CLEC16A: variants seen among roughly 807,000 people sequenced by gnomAD.
CLEC16A encodes the protein protein CLEC16A.
CLEC16A carries 51 observed loss-of-function variants against 109.5 expected under a neutral mutation model. That is an observed-to-expected ratio of 0.47 (90% CI 0.37 to 0.59). The LOEUF is 0.59. Ranked by LOEUF, CLEC16A falls within the 20% of genes least tolerant of loss-of-function variation. The probability of loss-of-function intolerance (pLI) is 0.00; values close to 1 mark genes in which losing one functional copy is unlikely to be tolerated. For synonymous variants in CLEC16A, 673 were observed against 564.2 expected (o/e 1.19, Z -2.73); for missense variants, 1,339 against 1,394.0 (o/e 0.96, Z 0.63).
chr16:11,028,886 C>T (rs2046579372), intron 13 of CLEC16A, among the ~76,000 whole-genome samples: 1 of 152,214 alleles, frequency 6.6e-6, no homozygotes, highest in Non-Finnish European at 1.5e-5. Flanking sequence ...GAGGTTCATT[C>T]AGCTTAAAAT....
At chr16:11,092,385 C>CAG (rs1173313838) in intron 19 of CLEC16A, among the ~76,000 whole-genome samples, 1 of 150,746 alleles carries the variant, frequency 6.6e-6, no homozygotes, top group African/African-American at 2.5e-5. Context: ...CACACACACA[C>CAG]ACACACACAC....
chr16:11,065,362 A>G lies in CLEC16A; in HGVS notation c.2116+4340A>G, dbSNP rs374673611. ...GTTCATGTGGGCACCTAACATTCACATAGTTGCAGCCATAGCATGTGCTAC... is the reference window on the plus strand; with the variant it reads ...GTTCATGTGGGCACCTAACATTCACGTAGTTGCAGCCATAGCATGTGCTAC... On this transcript the variant is annotated intron_variant, in intron 19 of 23. Coordinates refer to ENST00000409790, the MANE Select transcript of CLEC16A (RefSeq NM_015226.3). 2.0e-5 allele frequency among the ~76,000 whole-genome samples: 3 copies of G among 152,224 alleles called. No individual in the cohort carries two copies. In the East Asian group the frequency reaches 5.8e-4, roughly 29 times the overall value.
At chr16:10,995,293 A>G (rs890660811) in intron 10 of CLEC16A, among the ~76,000 whole-genome samples, 1 of 152,196 alleles carries the variant, frequency 6.6e-6, no homozygotes, top group Non-Finnish European at 1.5e-5. Context: ...GAAGCAGTGG[A>G]GCCAGGACTG....
intron 19 of CLEC16A, among the ~76,000 whole-genome samples, chr16:11,075,390 G>GTGTGTGTGTGTGTC (rs1567282189): frequency 4.6e-5 from 6 of 129,746 alleles, no homozygotes; most frequent in African/African-American, 1.6e-4. Flanking sequence ...GTGTGTGTGT[G>GTGTGTGTGTGTGTC]TGTGTGTGTG....
chr16:11,084,890 G>A (rs575770605), intron 19 of CLEC16A, among the ~76,000 whole-genome samples: 1 of 152,304 alleles, frequency 6.6e-6, no homozygotes, highest in South Asian at 2.1e-4. Context: ...TTAATATGGT[G>A]CCATCAATTC....
chr16:11,120,204 C>G (rs2052304595), intron 19 of CLEC16A, among the ~76,000 whole-genome samples: 1 of 152,202 alleles, frequency 6.6e-6, no homozygotes, highest in Non-Finnish European at 1.5e-5. Flanking sequence ...CTCTTCACCC[C>G]AGGTGATCCA....
At chr16:11,020,974 T>C (rs1266642584) in intron 12 of CLEC16A, among the ~76,000 whole-genome samples, 1 of 152,236 alleles carries the variant, frequency 6.6e-6, no homozygotes, top group East Asian at 1.9e-4. Flanking sequence ...TTCAGAGTTA[T>C]TTCCTTACCT....
At chr16:11,165,921 C>G (rs977318022) in intron 22 of CLEC16A, among the ~76,000 whole-genome samples, 4 of 152,122 alleles carry the variant, frequency 2.6e-5, no homozygotes, top group African/African-American at 7.2e-5. Context: ...GGGCACTGTC[C>G]TCCTGCCCGG....
chr16:10,965,133 G>A (rs1263686154), intron 3 of CLEC16A, among the ~76,000 whole-genome samples: 2 of 152,192 alleles, frequency 1.3e-5, no homozygotes, highest in African/African-American at 2.4e-5. Flanking sequence ...AGATCATGCA[G>A]TATGCGTGGC....
Position 11,120,666 on chromosome 16 carries a change from T to C in CLEC16A, c.2168T>C (p.Val723Ala). ...GTGATCACCAAGGATGGCGGCATGG[T>C]CCAGCGATTCCTGGCTGTGGATATT... ...CTVITKDGGM[V>A]QRFLAVDIYQ... The change falls in exon 20 of 24, where the codon GTC (valine) becomes GCC (alanine). Residue 723 changes from valine to alanine, a missense_variant. Physicochemically the swap from Val to Ala is moderately conservative, Grantham distance 64. Coordinates refer to ENST00000409790, the MANE Select transcript of CLEC16A (RefSeq NM_015226.3). 2.5e-6 allele frequency: 4 copies of C among 1,613,140 alleles called. No homozygotes were observed. Among genetic ancestry groups the C allele is most frequent in the Non-Finnish European group, 3.4e-6 (4 of 1,179,548 alleles).
intron 13 of CLEC16A, among the ~76,000 whole-genome samples, chr16:11,029,463 A>T (rs745636905): frequency 1.3e-5 from 2 of 151,914 alleles, no homozygotes; most frequent in Non-Finnish European, 2.9e-5. Flanking sequence ...TGAACTCCAG[A>T]CTCTGCCTTC....
intron 10 of CLEC16A, among the ~76,000 whole-genome samples, chr16:10,986,118 C>T (rs572737624): frequency 1.5e-3 from 206 of 141,768 alleles, no homozygotes; most frequent in African/African-American, 5.1e-3. Flanking sequence ...GCAAGCTCTG[C>T]CTCCCGGGTT....
At chr16:11,177,755 C>T (rs1418218302) in intron 23 of CLEC16A, among the ~76,000 whole-genome samples, 1 of 152,084 alleles carries the variant, frequency 6.6e-6, no homozygotes, top group African/African-American at 2.4e-5. Flanking sequence ...ACAGCAGCCC[C>T]TTGGTGGGTG....
At chr16:10,958,097 A>G (rs567447759) in intron 2 of CLEC16A, among the ~76,000 whole-genome samples, 187 bp downstream of exon 2, 45 of 151,886 alleles carry the variant, frequency 3.0e-4, no homozygotes, top group African/African-American at 7.2e-4. Flanking sequence ...AATGCAAGCC[A>G]AAAATGGGGA....
chr16:11,010,664 G>C (rs1202759590), intron 11 of CLEC16A, among the ~76,000 whole-genome samples: 2 of 152,166 alleles, frequency 1.3e-5, no homozygotes, highest in Non-Finnish European at 2.9e-5. Context: ...CAGCACAGCT[G>C]TCAAATTCAT....
At chr16:11,169,734 T>C (rs1408923690) in intron 23 of CLEC16A, among the ~76,000 whole-genome samples, 1 of 152,242 alleles carries the variant, frequency 6.6e-6, no homozygotes, top group Non-Finnish European at 1.5e-5. Flanking sequence ...TGTTAAAAGC[T>C]GGGAGTGACC....
At chr16:11,014,569 A>G (rs1323248387) in intron 11 of CLEC16A, among the ~76,000 whole-genome samples, 1 of 152,258 alleles carries the variant, frequency 6.6e-6, no homozygotes, top group Non-Finnish European at 1.5e-5. Flanking sequence ...AAAATAGTAC[A>G]GGTAACACAG....
chr16:11,179,006 CTCTT>C lies in CLEC16A; in HGVS notation c.*321_*324del, dbSNP rs1415810556. On this transcript the variant is annotated 3_prime_UTR_variant, in exon 24 of 24. Transcript: ENST00000409790. ...CCCGGGTGGCAGGACCCACCGGCACCTCTTTCTTCCTCTGTCATATGGCTCCTCT... is the reference window on the plus strand; with the variant it reads ...CCCGGGTGGCAGGACCCACCGGCACCTCTTCCTCTGTCATATGGCTCCTCT... 9.7e-5 allele frequency: 31 copies of C among 318,988 alleles called. 1 individual carries two copies. The highest frequency in any genetic ancestry group is 9.7e-5 in the Non-Finnish European group (17 of 174,864). 19.8% of individuals were successfully genotyped at this position (318,988 alleles called of 1,614,324 possible).
intron 15 of CLEC16A, among the ~76,000 whole-genome samples, chr16:11,042,856 A>G (rs1239759510): frequency 2.0e-5 from 3 of 150,822 alleles, no homozygotes; most frequent in Non-Finnish European, 3.0e-5. Flanking sequence ...GCACACACAC[A>G]CACATATTAT....
Sources: allele counts gnomAD v4.1 joint callset (sites outside exome capture counted in the v4.1 genomes callset), GRCh38; gene constraint gnomAD v4.1.1; transcripts MANE v1.5; gene names NCBI Gene and HGNC (gene_info 2026-07-23, HGNC 2026-07-21).